The following ALMS1 variants were observed in gnomAD, a reference collection of about 807,000 sequenced individuals.
The protein encoded by ALMS1 is centrosome-associated protein ALMS1.
Under a neutral mutation model 352.2 loss-of-function variants are expected in ALMS1, and 271 were observed. The observed-to-expected ratio is 0.77, with a 90% CI of 0.70 to 0.85. ALMS1 has a LOEUF of 0.85. Among genes scored for constraint, ALMS1 ranks in the 40% least tolerant of loss-of-function variants. ALMS1 has a pLI of 0.00. For missense variants in ALMS1, 5,445 were observed against 4,870.7 expected, an observed-to-expected ratio of 1.12 and a Z score of -3.51; for synonymous variants, 1,865 against 1,761.2, an observed-to-expected ratio of 1.06 and a Z score of -1.48.
chr2:73,574,514 T>C (rs1473280628), intron 16 of ALMS1, among the ~76,000 whole-genome samples: 1 of 152,162 alleles, frequency 6.6e-6, no homozygotes, highest in African/African-American at 2.4e-5. Context: ...AAAATTTTTG[T>C]CAGATTACAT....
At chr2:73,515,191 A>G (rs910318895) in intron 10 of ALMS1, among the ~76,000 whole-genome samples, 42 of 152,118 alleles carry the variant, frequency 2.8e-4, no homozygotes, top group African/African-American at 9.4e-4. Flanking sequence ...CACAGTGTCT[A>G]TTTGCTTCTA....
At position 73,572,367 on chromosome 2, in the gene ALMS1, G is replaced by A; in HGVS notation, c.10490G>A (p.Cys3497Tyr). Residue 3497 changes from cysteine (C) to tyrosine (Y), a missense_variant, in exon 16 of 23, where the codon TGC (cysteine) becomes TAC (tyrosine). Cys to Tyr is a radical substitution (Grantham distance 194). Transcript: ENST00000613296. ...CACCTACCAAGTGATCAAGATATTT[G>A]CCATGAATCTTTGGGAAAGAGTGTT... The part of the protein sequence containing the change: ...PVHLPSDQDI[C>Y]HESLGKSVFM... The A allele has an allele frequency of 1.9e-6, 3 of 1,609,076 alleles. No individual in the cohort carries two copies. The highest frequency in any genetic ancestry group is 2.5e-6 in the Non-Finnish European group (3 of 1,178,070).
At chr2:73,385,798 G>A (rs1670501446), upstream of ALMS1, 3 of 653,246 alleles carry the variant, frequency 4.6e-6, no homozygotes, top group Non-Finnish European at 8.2e-6. Context: ...ACAACCGCCA[G>A]TCAGGGCTCT....
intron 9 of ALMS1, among the ~76,000 whole-genome samples, chr2:73,483,762 T>C (rs1672764808): frequency 1.3e-5 from 2 of 148,532 alleles, no homozygotes; most frequent in African/African-American, 5.0e-5. Flanking sequence ...TGCTCCTGTA[T>C]TGGGTGCATA....
In ALMS1 at chr2:73,463,824, G is replaced by A. The variant is rs574321461; in HGVS notation, c.7674+8529G>A. On this transcript the variant is annotated intron_variant, in intron 9 of 22. Transcript: ENST00000613296. The stretch of plus-strand genomic sequence containing the variant: ...CAGAGAATACTACAAACACCTCTAT[G>A]CAAATAAACTAGAAAATCTAGAAGA... 1.0e-4 allele frequency among the ~76,000 whole-genome samples: 15 copies of A among 148,058 alleles called. No individual in the cohort carries two copies. In the East Asian group the frequency reaches 2.9e-3, roughly 29 times the overall value.
chr2:73,516,052 A>G (rs1219564511), intron 10 of ALMS1, among the ~76,000 whole-genome samples: 5 of 152,238 alleles, frequency 3.3e-5, no homozygotes, highest in African/African-American at 1.2e-4. Context: ...TGTGCATCCA[A>G]CAAAGGTCTA....
At chr2:73,522,467 CTTTT>C (rs137919148) in intron 11 of ALMS1, among the ~76,000 whole-genome samples, 5 of 106,724 alleles carry the variant, frequency 4.7e-5, no homozygotes, top group South Asian at 2.9e-4. Context: ...GGTTGAGGTC[CTTTT>C]TTTTTTTTTT....
chr2:73,603,353 C>CA, intron 21 of ALMS1, 49 bp downstream of exon 21: 1 of 1,570,816 alleles, frequency 6.4e-7, no homozygotes, highest in East Asian at 2.2e-5. Context: ...ACCAGGCCAC[C>CA]AAGTGGTCGG....
At chr2:73,589,970 A>G in intron 16 of ALMS1, among the ~76,000 whole-genome samples, 1 of 152,124 alleles carries the variant, frequency 6.6e-6, no homozygotes, top group South Asian at 2.1e-4. Flanking sequence ...TTCCATTTCT[A>G]CTTCTCTGCC....
rs1220049600 is a variant in ALMS1, at chr2:73,600,670, C to T, written c.11669-8C>T. The stretch of plus-strand genomic sequence containing the variant: ...ACTCCCAGAGACACCTATGATCCTT[C>T]CCCTCAGGTAACTTGGAGATTGTGA... On this transcript the variant is annotated splice_polypyrimidine_tract_variant and splice_region_variant and intron_variant, in intron 17 of 22. Transcript: ENST00000613296. 2 of 1,610,910 alleles carry T rather than the reference C, an allele frequency of 1.2e-6. No individual in the cohort carries two copies. Among genetic ancestry groups the T allele is most frequent in the East Asian group, 2.2e-5 (1 of 44,864 alleles).
chr2:73,424,810 C>T lies in ALMS1; in HGVS notation c.1145C>T (p.Thr382Ile). ...GACATAACTGATGAAAACATAGCTA[C>T]TAAAAGAAGTGACCATTTTGATGCT... Reference protein sequence around the residue: ...SFDITDENIATKRSDHFDAAR... With the variant: ...SFDITDENIAIKRSDHFDAAR... Residue 382 changes from threonine (T) to isoleucine (I), a missense_variant, in exon 5 of 23, where the codon ACT (threonine) becomes ATT (isoleucine). Physicochemically the swap from Thr to Ile is moderately conservative, Grantham distance 89. Transcript: ENST00000613296. 2 of 1,610,474 alleles carry T rather than the reference C, an allele frequency of 1.2e-6. No individual in the cohort carries two copies. Among genetic ancestry groups the T allele is most frequent in the Non-Finnish European group, 1.7e-6 (2 of 1,177,526 alleles).
chr2:73,569,338 T>C (rs1558698149), intron 15 of ALMS1, among the ~76,000 whole-genome samples: 1 of 152,030 alleles, frequency 6.6e-6, no homozygotes, highest in Non-Finnish European at 1.5e-5. Context: ...TTTTCTACTA[T>C]CCTTTCTGTA....
In ALMS1 at chr2:73,491,214, T is replaced by G; in HGVS notation, c.9255T>G (p.Phe3085Leu). 6.2e-7 allele frequency: 1 copy of G among 1,614,182 alleles called. No homozygotes were observed. Among genetic ancestry groups the G allele is most frequent in the South Asian group, 1.1e-5 (1 of 91,068 alleles). ...SKARMNSEFN[F>L]DLHTVSSRSL... Reference sequence around the variant, plus strand: ...CGAGGATGAATAGTGAGTTTAACTTTGACTTACATACTGTATCTTCGAGAT... The same window carrying G: ...CGAGGATGAATAGTGAGTTTAACTTGGACTTACATACTGTATCTTCGAGAT... The change falls in exon 10 of 23, where the codon TTT becomes TTG. Residue 3085 changes from phenylalanine to leucine, a missense_variant. Coordinates refer to ENST00000613296, the MANE Select transcript of ALMS1 (RefSeq NM_001378454.1).
intron 16 of ALMS1, among the ~76,000 whole-genome samples, chr2:73,597,068 G>C (rs1675568414): frequency 6.6e-6 from 1 of 151,830 alleles, no homozygotes; most frequent in Non-Finnish European, 1.5e-5. Flanking sequence ...TATGGTGAGT[G>C]TCTCACCATT....
Position 73,557,109 on chromosome 2 carries a change from C to T in ALMS1, c.10079-111C>T. On this transcript the variant is annotated intron_variant, in intron 13 of 22. Transcript: ENST00000613296. Reference sequence around the variant, plus strand: ...GGTGGAGCCTAAGAGGTACTTTTTTCCTAATATGTAAATGGGTTTGGGGTT... The same window carrying T: ...GGTGGAGCCTAAGAGGTACTTTTTTTCTAATATGTAAATGGGTTTGGGGTT... 4.8e-6 allele frequency: 7 copies of T among 1,469,102 alleles called. No homozygotes were observed. The Admixed American group carries it at 5.3e-5, about 11-fold the overall frequency. The allele number at this position is 1,469,102 out of a possible 1,614,324, so 91.0% of individuals were successfully genotyped here.
intron 9 of ALMS1, among the ~76,000 whole-genome samples, chr2:73,475,864 T>G (rs1672572348): frequency 1.3e-5 from 2 of 152,076 alleles, no homozygotes; most frequent in Non-Finnish European, 2.9e-5. Context: ...TGGTTCTATT[T>G]GAGGCAATTA....
At chr2:73,433,829 C>T (rs1305583241) in intron 7 of ALMS1, among the ~76,000 whole-genome samples, 1 of 152,166 alleles carries the variant, frequency 6.6e-6, no homozygotes, top group African/African-American at 2.4e-5. Context: ...TTTCATGAAT[C>T]AGCTTTTGCA....
At chr2:73,455,644 C>G (rs1006411103) in intron 9 of ALMS1, among the ~76,000 whole-genome samples, 1 of 152,200 alleles carries the variant, frequency 6.6e-6, no homozygotes, top group Non-Finnish European at 1.5e-5. Context: ...TCAAGCGATC[C>G]TCTTGCCTTG....
chr2:73,559,139 G>A lies in ALMS1; in HGVS notation c.10381G>A (p.Glu3461Lys). Residue 3461 changes from glutamate to lysine, a missense_variant, in exon 15 of 23, where the codon GAA (glutamate) becomes AAA (lysine). By Grantham distance (56) the Glu-to-Lys change is moderately conservative. Transcript: ENST00000613296. ...NNKESLQINI[E>K]ESECHSEFEN... ...TAAAGAATCCCTACAGATCAATATT[G>A]AAGGTAATGGGATTGGGTTGTGTAT... 1.2e-6 allele frequency: 2 copies of A among 1,613,086 alleles called. No homozygotes were observed. The highest frequency in any genetic ancestry group is 1.7e-6 in the Non-Finnish European group (2 of 1,179,482).
Sources: gnomAD v4.1 joint callset for allele counts (sites outside exome capture counted in the v4.1 genomes callset) on GRCh38, gnomAD v4.1.1 for gene constraint, MANE v1.5 for transcripts, NCBI Gene and HGNC (gene_info 2026-07-23, HGNC 2026-07-21) for gene names.